Variants in ARID1B observed in about 807,000 individuals in gnomAD.
ARID1B encodes the protein AT-rich interaction domain 1B, also known as AT-rich interactive domain-containing protein 1B.
In ARID1B, 30 loss-of-function variants were observed where a neutral mutation model predicts 212.3. The observed-to-expected ratio is 0.14, with a 90% CI of 0.11 to 0.19. The LOEUF is 0.19. Among genes scored for constraint, ARID1B ranks in the 10% least tolerant of loss-of-function variants. The pLI is 1.00. For missense variants in ARID1B, 2,891 were observed against 3,204.0 expected (o/e 0.90, Z 2.36); for synonymous variants, 1,402 against 1,301.7 (o/e 1.08, Z -1.66).
intron 4 of ARID1B, among the ~76,000 whole-genome samples, chr6:157,011,197 A>G (rs1212046317): frequency 5.3e-5 from 8 of 152,204 alleles, no homozygotes; most frequent in Admixed American, 5.2e-4. Context: ...AAGGATTTCC[A>G]TATTGTCATT....
chr6:157,091,564 C>T (rs1785286003), intron 5 of ARID1B, among the ~76,000 whole-genome samples: 1 of 152,104 alleles, frequency 6.6e-6, no homozygotes, highest in Non-Finnish European at 1.5e-5. Context: ...TAGTCATAGT[C>T]CAGAGTGAAC....
intron 1 of ARID1B, among the ~76,000 whole-genome samples, chr6:156,789,060 A>C (rs899776153): frequency 2.0e-5 from 3 of 152,226 alleles, no homozygotes; most frequent in African/African-American, 7.2e-5. Flanking sequence ...AGAAGTATTT[A>C]TGGAGTAAAT....
chr6:157,186,876 A>G (rs1562333737), intron 13 of ARID1B, among the ~76,000 whole-genome samples: 1 of 152,168 alleles, frequency 6.6e-6, no homozygotes, highest in African/African-American at 2.4e-5. Flanking sequence ...ATCTGTCTCT[A>G]GTCAGGTTTC....
intron 2 of ARID1B, among the ~76,000 whole-genome samples, chr6:156,890,144 G>T (rs1787811352): frequency 6.6e-6 from 1 of 152,144 alleles, no homozygotes; most frequent in African/African-American, 2.4e-5. Flanking sequence ...GTCATGAGAG[G>T]CACTACCATT....
chr6:157,204,082 TTGA>T, intron 19 of ARID1B, 86 bp downstream of exon 19: 1 of 1,544,896 alleles, frequency 6.5e-7, no homozygotes, highest in Non-Finnish European at 8.9e-7. Flanking sequence ...AATGCCTGAG[TTGA>T]TGAGCACTGA....
intron 4 of ARID1B, among the ~76,000 whole-genome samples, chr6:157,080,315 A>C (rs1483748690): frequency 6.6e-6 from 1 of 152,228 alleles, no homozygotes; most frequent in Non-Finnish European, 1.5e-5. Context: ...CAGTTCTCTG[A>C]GAAAGTAAAG....
At chr6:156,927,324 C>T (rs750263889) in intron 3 of ARID1B, among the ~76,000 whole-genome samples, 3 of 152,058 alleles carry the variant, frequency 2.0e-5, no homozygotes, top group Non-Finnish European at 4.4e-5. Context: ...GGACATTTGT[C>T]TAGTAGAGAT....
chr6:157,039,392 G>T (rs376996205), intron 4 of ARID1B, among the ~76,000 whole-genome samples: 1 of 137,386 alleles, frequency 7.3e-6, no homozygotes, highest in Non-Finnish European at 1.5e-5. Flanking sequence ...CTGCAGTGGC[G>T]CAATCTCGGC....
chr6:156,832,576 T>C (rs1314757252), intron 2 of ARID1B, among the ~76,000 whole-genome samples: 1 of 152,228 alleles, frequency 6.6e-6, no homozygotes, highest in African/African-American at 2.4e-5. Context: ...AATTCAAGTT[T>C]GTAAATTGAG....
At chr6:156,952,125 A>T (rs79314980) in intron 4 of ARID1B, among the ~76,000 whole-genome samples, 77 of 152,208 alleles carry the variant, frequency 5.1e-4, no homozygotes, top group African/African-American at 1.7e-3. Context: ...TTGTGAAGAG[A>T]GTGTTTTTTT....
intron 4 of ARID1B, among the ~76,000 whole-genome samples, chr6:157,011,033 T>TG (rs1373366433): frequency 6.6e-6 from 1 of 152,298 alleles, no homozygotes; most frequent in Non-Finnish European, 1.5e-5. Context: ...ATGGTGTGTG[T>TG]TTTTTAAGTT....
chr6:156,941,058 A>G (rs1243417841), intron 4 of ARID1B: 1 of 152,242 alleles, frequency 6.6e-6, no homozygotes, highest in African/African-American at 2.4e-5. Flanking sequence ...TCAAATCCTT[A>G]TGAACATTAA....
chr6:157,045,674 A>G (rs1275675462), intron 4 of ARID1B, among the ~76,000 whole-genome samples: 3 of 152,218 alleles, frequency 2.0e-5, no homozygotes, highest in East Asian at 3.8e-4. Context: ...ACTAGCAAAC[A>G]GTTTTTTTGA....
At chr6:156,798,921 A>T (rs1780580788) in intron 1 of ARID1B, among the ~76,000 whole-genome samples, 1 of 152,200 alleles carries the variant, frequency 6.6e-6, no homozygotes, top group Admixed American at 6.5e-5. Context: ...GGATACTAAA[A>T]AACTTGGCAG....
At chr6:156,887,078 A>G (rs1562460456) in intron 2 of ARID1B, among the ~76,000 whole-genome samples, 1 of 152,330 alleles carries the variant, frequency 6.6e-6, no homozygotes, top group East Asian at 1.9e-4. Flanking sequence ...TTATTTATTT[A>G]TAAACCCACT....
intron 1 of ARID1B, among the ~76,000 whole-genome samples, chr6:156,825,588 CAT>C (rs1782686101): frequency 6.6e-6 from 1 of 152,226 alleles, no homozygotes; most frequent in Non-Finnish European, 1.5e-5. Flanking sequence ...AGCATTAAAA[CAT>C]AGACATTCCA....
chr6:157,204,133 C>A, intron 19 of ARID1B, 137 bp downstream of exon 19: 2 of 1,104,400 alleles, frequency 1.8e-6, no homozygotes, highest in Non-Finnish European at 2.7e-6. Flanking sequence ...TGTTATCAAC[C>A]AGCCTTAATC....
rs1791099592 is a variant in ARID1B, at chr6:156,924,900, A to G, written c.2137-10566A>G. On this transcript the variant is annotated intron_variant, in intron 3 of 19. Transcript: ENST00000636930. ...TATTAAAATACATTCATTATTAAAA[A>G]TCTTAACTAGTCTTTAGTCTTGCCT... Among the ~76,000 whole-genome samples, 8 of 152,318 alleles carry G rather than the reference A, an allele frequency of 5.3e-5. No individual in the cohort carries two copies. The South Asian group carries it at 1.7e-3, about 32-fold the overall frequency.
Position 157,189,742 on chromosome 6 carries a change from C to T in ARID1B, c.4020C>T (p.Ser1340=). The T allele has an allele frequency of 6.2e-7, 1 of 1,614,060 alleles. No individual in the cohort carries two copies. The highest frequency in any genetic ancestry group is 8.5e-7 in the Non-Finnish European group (1 of 1,180,018). Residue 1340 remains serine, a synonymous_variant, in exon 14 of 20, where the codon TCC becomes TCT. Coordinates refer to ENST00000636930, the MANE Select transcript of ARID1B (RefSeq NM_001374828.1). The part of the protein sequence containing the change: ...PGDLKPPTPA[S]TPHGQMTPMQ... ...ACCTGAAGCCACCTACCCCAGCCTC[C>T]ACCCCTCACGGCCAGATGACTCCAA...
Sources: gnomAD v4.1 joint callset for allele counts (sites outside exome capture counted in the v4.1 genomes callset) on GRCh38, gnomAD v4.1.1 for gene constraint, MANE v1.5 for transcripts, NCBI Gene and HGNC (gene_info 2026-07-23, HGNC 2026-07-21) for gene names.